The following CDC34 variants were observed in gnomAD, a reference collection of about 807,000 sequenced individuals.
CDC34 encodes ubiquitin-conjugating enzyme E2 R1.
Under a neutral mutation model 26.8 loss-of-function variants are expected in CDC34, and 18 were observed. The ratio of observed to expected loss-of-function variants is 0.67; its 90% CI spans 0.47 to 1.00. The LOEUF (loss-of-function observed/expected upper bound fraction) is 1.00, where lower values mean the gene tolerates loss of function less well. CDC34 is among the 50% of genes least tolerant of loss of function. The pLI, the probability that CDC34 is intolerant of heterozygous loss-of-function variation, is 0.00. For missense variants in CDC34, 280 were observed against 334.5 expected (o/e 0.84, Z 1.27); for synonymous variants, 178 against 147.5 (o/e 1.21, Z -1.50).
At chr19:539,608 C>G (rs2145852124) in intron 4 of CDC34, among the ~76,000 whole-genome samples, 1 of 152,334 alleles carries the variant, frequency 6.6e-6, no homozygotes, top group South Asian at 2.1e-4. Flanking sequence ...TGGTGCCCTC[C>G]CATGCGGGCA....
intron 3 of CDC34, chr19:536,808 C>A (rs1979777002): frequency 1.6e-6 from 1 of 612,328 alleles, no homozygotes; most frequent in Non-Finnish European, 2.9e-6. Flanking sequence ...TTGCTGCCCT[C>A]CCTGGTCTTG....
At chr19:537,651 C>CGTTTTTTT (rs1979820575) in intron 4 of CDC34, among the ~76,000 whole-genome samples, 1 of 67,076 alleles carries the variant, frequency 1.5e-5, no homozygotes, top group Non-Finnish European at 2.8e-5. Flanking sequence ...CGCGGCCGGC[C>CGTTTTTTT]TTTTTTTTTT....
Position 537,094 on chromosome 19 carries a change from C to T in CDC34, c.444C>T (p.Tyr148=), listed in dbSNP as rs760874274. The change falls in exon 4 of 5, where the codon TAC becomes TAT. Residue 148 remains tyrosine (Y), a synonymous_variant. Coordinates refer to ENST00000215574, the MANE Select transcript of CDC34 (RefSeq NM_004359.2). Reference sequence around the variant, plus strand: ...CAAACGTGGACGCCTCCGTGATGTACAGGAAGTGGAAAGAGAGCAAGGGGA... The same window carrying T: ...CAAACGTGGACGCCTCCGTGATGTATAGGAAGTGGAAAGAGAGCAAGGGGA... ...SPANVDASVM[Y]RKWKESKGKD... The T allele has an allele frequency of 5.6e-6, 9 of 1,613,806 alleles. No individual in the cohort carries two copies. In the South Asian group the frequency reaches 8.8e-5, roughly 16 times the overall value.
intron 1 of CDC34, among the ~76,000 whole-genome samples, chr19:534,414 C>T (rs571591865): frequency 4.2e-4 from 60 of 141,242 alleles, no homozygotes; most frequent in African/African-American, 1.4e-3. Context: ...CCAAGACCCC[C>T]GAGTACCCTC....
chr19:539,203 T>A lies in CDC34; in HGVS notation c.497+2056T>A, dbSNP rs116075349. Among the ~76,000 whole-genome samples the A allele has an allele frequency of 3.8e-3, 572 of 152,278 alleles. 5 individuals carry two copies. The highest frequency in any genetic ancestry group is 0.013 in the African/African-American group (545 of 41,554). ...GCTTGGTCAGGGATGTTGGTCTTGCTGAACAGGACCTCCAGACCGTCCTCC... is the reference window on the plus strand; with the variant it reads ...GCTTGGTCAGGGATGTTGGTCTTGCAGAACAGGACCTCCAGACCGTCCTCC... On this transcript the variant is annotated intron_variant, in intron 4 of 4. Coordinates refer to ENST00000215574, the MANE Select transcript of CDC34 (RefSeq NM_004359.2).
At chr19:533,359 C>T (rs1218674458) in intron 1 of CDC34, among the ~76,000 whole-genome samples, 1 of 152,248 alleles carries the variant, frequency 6.6e-6, no homozygotes, top group Admixed American at 6.5e-5. Context: ...TATGTGTCTG[C>T]TCTCCGAGCT....
intron 4 of CDC34, among the ~76,000 whole-genome samples, chr19:538,347 C>T (rs903260060): frequency 1.3e-5 from 2 of 152,354 alleles, no homozygotes; most frequent in Admixed American, 6.5e-5. Context: ...TGGTGACCCA[C>T]GGCTCTCCCT....
intron 4 of CDC34, among the ~76,000 whole-genome samples, chr19:540,798 GCC>G (rs1979974671): frequency 5.0e-5 from 2 of 40,080 alleles, no homozygotes; most frequent in South Asian, 1.9e-3. Flanking sequence ...GGATGGCCAG[GCC>G]CCCCGGTTTA....
At chr19:539,252 C>A (rs1258753306) in intron 4 of CDC34, among the ~76,000 whole-genome samples, 1 of 152,086 alleles carries the variant, frequency 6.6e-6, no homozygotes, top group Non-Finnish European at 1.5e-5. Context: ...GGTGTGCCGG[C>A]GGCACCTCCA....
At chr19:536,090 A>G (rs10426138) in intron 2 of CDC34, among the ~76,000 whole-genome samples, 153 bp from the exon 3 acceptor site, 3,036 of 16,318 alleles carry the variant, frequency 0.19, 4 homozygotes, top group South Asian at 0.37. Flanking sequence ...CCGGGACCCG[A>G]GGCGCTGGGA....
chr19:531,966 C>T lies in CDC34; in HGVS notation c.35C>T (p.Ala12Val), dbSNP rs1419118549. ...CCGCTAGTGCCCAGCTCGCAGAAGG[C>T]GCTGCTGCTGGAGCTCAAGGGGCTG... ...ARPLVPSSQK[A>V]LLLELKGLQE... Residue 12 changes from alanine (A) to valine (V), a missense_variant, in exon 1 of 5, where the codon GCG (alanine) becomes GTG (valine). By Grantham distance (64) the Ala-to-Val change is moderately conservative. Coordinates refer to ENST00000215574, the MANE Select transcript of CDC34 (RefSeq NM_004359.2). 2.0e-6 allele frequency: 3 copies of T among 1,474,960 alleles called. No homozygotes were observed. The highest frequency in any genetic ancestry group is 1.5e-5 in the African/African-American group (1 of 66,864). The allele number at this position is 1,474,960 out of a possible 1,614,324, so 91.4% of individuals were successfully genotyped here.
At chr19:532,763 C>G (rs1009174534) in intron 1 of CDC34, among the ~76,000 whole-genome samples, 1 of 152,222 alleles carries the variant, frequency 6.6e-6, no homozygotes, top group Non-Finnish European at 1.5e-5. Flanking sequence ...GGGCTCCATC[C>G]CCTGCTTTAT....
rs1415249550 is a variant in CDC34, at chr19:534,418, T to TGCCCTCCTTGTCC, written c.178-1419_178-1418insGCCCTCCTTGTCC. On this transcript the variant is annotated intron_variant, in intron 1 of 4. Transcript: ENST00000215574. The stretch of plus-strand genomic sequence containing the variant: ...TCGCCCACAATCCAAGACCCCCGAG[T>TGCCCTCCTTGTCC]ACCCTCCCTGTCCAGACCTCGCCCA... Among the ~76,000 whole-genome samples the TGCCCTCCTTGTCC allele has an allele frequency of 6.0e-4, 83 of 138,972 alleles. 1 individual carries two copies. The highest frequency in any genetic ancestry group is 1.1e-3 in the East Asian group (5 of 4,348). 91.2% of individuals were successfully genotyped at this position (138,972 alleles called of 152,430 possible).
chr19:533,472 T>A (rs937576644), intron 1 of CDC34, among the ~76,000 whole-genome samples: 1 of 152,228 alleles, frequency 6.6e-6, no homozygotes, highest in Non-Finnish European at 1.5e-5. Context: ...GGGTTCTGCA[T>A]CTGGAATCCT....
intron 1 of CDC34, among the ~76,000 whole-genome samples, chr19:532,617 G>T (rs901391480): frequency 1.3e-5 from 2 of 152,210 alleles, no homozygotes; most frequent in Non-Finnish European, 2.9e-5. Context: ...GCCCGTGAGC[G>T]GGGGAGCGAG....
chr19:537,500 C>T (rs533432350), intron 4 of CDC34, among the ~76,000 whole-genome samples: 1 of 152,158 alleles, frequency 6.6e-6, no homozygotes. Flanking sequence ...CTACAGGCGC[C>T]CGTCACCACG....
intron 1 of CDC34, 64 bp from the exon 2 acceptor site, chr19:535,773 C>A (rs1269358958): frequency 7.6e-7 from 1 of 1,315,362 alleles, no homozygotes; most frequent in African/African-American, 1.4e-5. Context: ...CCTTGGGCAC[C>A]TTGTGAGCTG....
chr19:536,783 G>T (rs775382023), intron 3 of CDC34: 3 of 582,416 alleles, frequency 5.2e-6, no homozygotes, highest in South Asian at 2.0e-5. Flanking sequence ...CGGGTCTGAC[G>T]GAGGGGTCTG....
intron 1 of CDC34, among the ~76,000 whole-genome samples, chr19:534,064 C>G (rs1318398247): frequency 1.3e-5 from 2 of 152,154 alleles, no homozygotes; most frequent in Non-Finnish European, 2.9e-5. Flanking sequence ...GGGGAAAAGA[C>G]ATTCTTAGAG....
Sources: gnomAD v4.1 joint callset for allele counts (sites outside exome capture counted in the v4.1 genomes callset) on GRCh38, gnomAD v4.1.1 for gene constraint, MANE v1.5 for transcripts, NCBI Gene and HGNC (gene_info 2026-07-23, HGNC 2026-07-21) for gene names.